The following ATIC variants were observed in gnomAD, a reference collection of about 807,000 sequenced individuals.
The protein encoded by ATIC is 5-aminoimidazole-4-carboxamide ribonucleotide formyltransferase/IMP cyclohydrolase.
Under a neutral mutation model 72.5 loss-of-function variants are expected in ATIC, and 64 were observed. That is an observed-to-expected ratio of 0.88 (90% CI 0.72 to 1.09). The LOEUF (loss-of-function observed/expected upper bound fraction) is 1.09. Ranked by LOEUF, ATIC falls within the 50% of genes least tolerant of loss-of-function variation. The probability of loss-of-function intolerance (pLI) is 0.00; values close to 1 mark genes in which losing one functional copy is unlikely to be tolerated. For missense variants in ATIC, 787 were observed against 732.4 expected (o/e 1.07, Z -0.86); for synonymous variants, 281 against 267.1 (o/e 1.05, Z -0.51).
chr2:215,335,843 G>T (rs1458988097), intron 10 of ATIC, among the ~76,000 whole-genome samples, 192 bp from the exon 11 acceptor site: 1 of 152,204 alleles, frequency 6.6e-6, no homozygotes, highest in Non-Finnish European at 1.5e-5. Context: ...AGGACAGAAA[G>T]TTAGGATCTG....
rs766691786 is a variant in ATIC, at chr2:215,333,429, C to T, written c.894C>T (p.Pro298=). ...ATGATCTCTATAAAACCCTCACACC[C>T]ATCTCAGCGGCATATGCAAGAGCAA... is the stretch of plus-strand genomic sequence containing the variant. ...MVYDLYKTLT[P]ISAAYARARG... is the part of the protein sequence containing the mutation. Residue 298 remains proline, a synonymous_variant, in exon 9 of 16, where the codon CCC becomes CCT. Transcript: ENST00000236959. The T allele has an allele frequency of 6.2e-7, 1 of 1,613,950 alleles. No homozygotes were observed. The highest frequency in any genetic ancestry group is 1.3e-5 in the African/African-American group (1 of 74,892).
At chr2:215,346,450 T>C (rs1185853913) in intron 13 of ATIC, among the ~76,000 whole-genome samples, 1 of 152,008 alleles carries the variant, frequency 6.6e-6, no homozygotes, top group African/African-American at 2.4e-5. Context: ...CATGAGCCAG[T>C]GCACCCAGCA....
At chr2:215,331,677 C>T (rs891213095) in intron 7 of ATIC, among the ~76,000 whole-genome samples, 7 of 151,980 alleles carry the variant, frequency 4.6e-5, no homozygotes, top group African/African-American at 1.2e-4. Context: ...CCATTGTACC[C>T]GGCTCATTTT....
the ATIC span, chr2:215,365,488 G>C: frequency 6.2e-7 from 1 of 1,613,152 alleles, no homozygotes; most frequent in Non-Finnish European, 8.5e-7. Flanking sequence ...CACTAAAAAT[G>C]ATCTGTGATG....
At chr2:215,323,253 G>GT (rs1275997652) in intron 4 of ATIC, among the ~76,000 whole-genome samples, 2 of 151,814 alleles carry the variant, frequency 1.3e-5, no homozygotes, top group South Asian at 2.1e-4. Flanking sequence ...CCCCAACTTC[G>GT]TTTTTTTTAT....
At chr2:215,316,384 T>A (rs2052709515) in intron 2 of ATIC, among the ~76,000 whole-genome samples, 3 of 152,142 alleles carry the variant, frequency 2.0e-5, no homozygotes, top group African/African-American at 7.2e-5. Context: ...TGGCTCCCCT[T>A]AACAGGAGAA....
At chr2:215,329,968 G>T (rs1203090920) in intron 7 of ATIC, among the ~76,000 whole-genome samples, 1 of 152,124 alleles carries the variant, frequency 6.6e-6, no homozygotes, top group Admixed American at 6.6e-5. Context: ...CACCATATTG[G>T]CCAGACCAGT....
At chr2:215,343,367 C>T (rs1033741216) in intron 12 of ATIC, among the ~76,000 whole-genome samples, 34 of 151,996 alleles carry the variant, frequency 2.2e-4, no homozygotes, top group Non-Finnish European at 2.9e-4. Context: ...GATGAAGTCT[C>T]GCTCTGTCAC....
At chr2:215,326,302 C>T (rs967577505) in intron 6 of ATIC, among the ~76,000 whole-genome samples, 164 bp downstream of exon 6, 9 of 152,112 alleles carry the variant, frequency 5.9e-5, no homozygotes, top group African/African-American at 1.9e-4. Context: ...CAGAGGTGTT[C>T]TGTCAAAAAG....
At chr2:215,362,759 A>C in the ATIC span, 1 of 153,676 alleles carries the variant, frequency 6.5e-6, no homozygotes, top group Admixed American at 6.5e-5. Flanking sequence ...GGGAGGACAC[A>C]CATGTTCTCT....
the ATIC span, chr2:215,365,050 G>C: frequency 9.5e-7 from 1 of 1,055,214 alleles, no homozygotes; most frequent in African/African-American, 1.6e-5. Context: ...TTGATCTAGG[G>C]GTGGGTTCTA....
intron 12 of ATIC, among the ~76,000 whole-genome samples, chr2:215,341,644 G>A (rs1167207630): frequency 1.3e-5 from 2 of 152,202 alleles, no homozygotes; most frequent in Admixed American, 1.3e-4. Flanking sequence ...AGCCAGACAG[G>A]TGGATGGAAT....
chr2:215,347,619 A>C (rs1287996950), intron 14 of ATIC: 2 of 491,090 alleles, frequency 4.1e-6, no homozygotes, highest in East Asian at 9.6e-5. Context: ...TTTTTTATTC[A>C]GGAGCAGGAA....
At chr2:215,325,195 A>C (rs78530224) in intron 4 of ATIC, 46 bp from the exon 5 acceptor site, 17 of 1,460,784 alleles carry the variant, frequency 1.2e-5, no homozygotes, top group Non-Finnish European at 1.2e-5. Flanking sequence ...TGTAAACCAC[A>C]TGAGTGGACT....
chr2:215,349,636 T>G lies in ATIC; in HGVS notation c.1760T>G (p.Leu587Arg). Reference protein sequence around the residue: ...ELGIILAHTNLRLFHH With the variant: ...ELGIILAHTNRRLFHH Reference sequence around the variant, plus strand: ...GGAATCATCCTCGCTCATACGAACCTTCGGCTCTTCCACCACTGATTTTAC... The same window carrying G: ...GGAATCATCCTCGCTCATACGAACCGTCGGCTCTTCCACCACTGATTTTAC... Residue 587 changes from leucine (L) to arginine (R), a missense_variant, in exon 16 of 16, where the codon CTT (leucine) becomes CGT (arginine). Leu to Arg is a moderately radical substitution (Grantham distance 102). Transcript: ENST00000236959. 6.2e-7 allele frequency: 1 copy of G among 1,614,198 alleles called. No homozygotes were observed. Among genetic ancestry groups the G allele is most frequent in the Non-Finnish European group, 8.5e-7 (1 of 1,180,024 alleles).
At chr2:215,326,392 G>A (rs1006774794) in intron 6 of ATIC, among the ~76,000 whole-genome samples, 1 of 152,072 alleles carries the variant, frequency 6.6e-6, no homozygotes, top group African/African-American at 2.4e-5. Context: ...ATCACCTGAG[G>A]TCAGGAGTTT....
chr2:215,325,491 T>C (rs1221900310), intron 5 of ATIC, among the ~76,000 whole-genome samples, 162 bp downstream of exon 5: 1 of 152,088 alleles, frequency 6.6e-6, no homozygotes, highest in Non-Finnish European at 1.5e-5. Flanking sequence ...CTTTTTTTCA[T>C]TTATATTTTC....
intron 6 of ATIC, among the ~76,000 whole-genome samples, 175 bp from the exon 7 acceptor site, chr2:215,326,647 G>A (rs1219185690): frequency 6.6e-6 from 1 of 151,954 alleles, no homozygotes; most frequent in African/African-American, 2.4e-5. Flanking sequence ...ATTGGAAAGG[G>A]GTAATTTGTT....
intron 11 of ATIC, among the ~76,000 whole-genome samples, chr2:215,336,434 T>C (rs2052955922): frequency 6.6e-6 from 1 of 152,212 alleles, no homozygotes; most frequent in Non-Finnish European, 1.5e-5. Context: ...CTATGATGCC[T>C]GTGAATAACG....
Sources: gnomAD v4.1 joint callset for allele counts (sites outside exome capture counted in the v4.1 genomes callset) on GRCh38, gnomAD v4.1.1 for gene constraint, MANE v1.5 for transcripts, NCBI Gene and HGNC (gene_info 2026-07-23, HGNC 2026-07-21) for gene names.